Variants in GPHN observed in about 807,000 individuals in gnomAD.
GPHN encodes the protein gephyrin.
In GPHN, 17 loss-of-function variants were observed where a neutral mutation model predicts 95.5. That is an observed-to-expected ratio of 0.18 (90% CI 0.12 to 0.27). The LOEUF is 0.27. Ranked by LOEUF, GPHN falls within the 10% of genes least tolerant of loss-of-function variation. GPHN has a pLI of 1.00. For missense variants in GPHN, 660 were observed against 978.1 expected, an observed-to-expected ratio of 0.67 and a Z score of 4.34; for synonymous variants, 320 against 322.5, an observed-to-expected ratio of 0.99 and a Z score of 0.08.
chr14:67,434,824 G>A, the GPHN span, among the ~76,000 whole-genome samples: 1 of 152,158 alleles, frequency 6.6e-6, no homozygotes, highest in South Asian at 2.1e-4. Flanking sequence ...GAGTTGAGAA[G>A]TCCAAGGTCC....
chr14:67,569,146 G>C, the GPHN span: 1 of 1,611,382 alleles, frequency 6.2e-7, no homozygotes, highest in Non-Finnish European at 8.5e-7. Flanking sequence ...AGGAGAGCCG[G>C]ATCTATGCTG....
At chr14:67,071,789 AAT>A (rs1662192753) in intron 11 of GPHN, among the ~76,000 whole-genome samples, 1 of 152,068 alleles carries the variant, frequency 6.6e-6, no homozygotes, top group Non-Finnish European at 1.5e-5. Flanking sequence ...TCTTAAAAAA[AAT>A]AAAGTATATT....
At chr14:67,553,699 C>T in the GPHN span, among the ~76,000 whole-genome samples, 1 of 152,210 alleles carries the variant, frequency 6.6e-6, no homozygotes, top group Admixed American at 6.5e-5. Context: ...GGCAACCACC[C>T]CTATAAACAT....
At chr14:66,583,563 T>C (rs896186429) in intron 1 of GPHN, among the ~76,000 whole-genome samples, 2 of 152,182 alleles carry the variant, frequency 1.3e-5, no homozygotes, top group African/African-American at 4.8e-5. Context: ...AATTTTTGTA[T>C]AAGGTGTAAG....
At chr14:67,496,409 T>TTTTTTTG in the GPHN span, among the ~76,000 whole-genome samples, 1 of 133,084 alleles carries the variant, frequency 7.5e-6, no homozygotes, top group African/African-American at 2.7e-5. Flanking sequence ...TTTTTTTTTT[T>TTTTTTTG]TTTTTTTTTT....
intron 8 of GPHN, among the ~76,000 whole-genome samples, chr14:66,938,894 C>G (rs1567126518): frequency 6.6e-6 from 1 of 152,074 alleles, no homozygotes; most frequent in Non-Finnish European, 1.5e-5. Context: ...AAAACTCTTG[C>G]AAATATGGTC....
chr14:67,147,101 A>C (rs961296644), intron 18 of GPHN, among the ~76,000 whole-genome samples: 1 of 152,156 alleles, frequency 6.6e-6, no homozygotes, highest in Non-Finnish European at 1.5e-5. Flanking sequence ...ATTTTCTTTA[A>C]TATTTCATTT....
intron 5 of GPHN, among the ~76,000 whole-genome samples, chr14:66,904,106 G>A (rs894032876): frequency 5.9e-5 from 9 of 152,006 alleles, no homozygotes; most frequent in East Asian, 1.9e-4. Flanking sequence ...GGTTCCTTCC[G>A]GTGGGTTCGT....
intron 5 of GPHN, among the ~76,000 whole-genome samples, chr14:66,884,818 G>GTGTA (rs35459525): frequency 6.2e-5 from 9 of 144,948 alleles, no homozygotes; most frequent in Admixed American, 1.4e-4. Context: ...ATGTGTGTGT[G>GTGTA]TATATATATA....
intron 21 of GPHN, among the ~76,000 whole-genome samples, chr14:67,172,675 G>T (rs1043035467): frequency 1.3e-5 from 2 of 152,116 alleles, no homozygotes; most frequent in African/African-American, 4.8e-5. Flanking sequence ...CTTTCCTGAA[G>T]CTAGACTACC....
chr14:67,278,322 C>T, the GPHN span, among the ~76,000 whole-genome samples: 3 of 151,652 alleles, frequency 2.0e-5, no homozygotes, highest in South Asian at 6.2e-4. Context: ...AGGCGTGAGC[C>T]ACTGCACCCG....
chr14:67,147,801 A>G (rs1051795133), intron 18 of GPHN, among the ~76,000 whole-genome samples: 7 of 152,350 alleles, frequency 4.6e-5, no homozygotes, highest in East Asian at 1.9e-4. Flanking sequence ...AAATATTTCT[A>G]TTAATAACAG....
chr14:67,439,843 T>C, the GPHN span, among the ~76,000 whole-genome samples: 2 of 152,162 alleles, frequency 1.3e-5, no homozygotes, highest in Non-Finnish European at 2.9e-5. Flanking sequence ...TCTTTTTTCT[T>C]TTCTTTTGTT....
the GPHN span, among the ~76,000 whole-genome samples, chr14:67,330,536 GC>G: frequency 7.0e-6 from 1 of 143,340 alleles, no homozygotes. Context: ...TCTGCTCACT[GC>G]AACCTCTGCC....
At chr14:67,626,366 C>T in the GPHN span, among the ~76,000 whole-genome samples, 11 of 152,122 alleles carry the variant, frequency 7.2e-5, no homozygotes, top group Non-Finnish European at 1.5e-4. Flanking sequence ...TAAAAAGATT[C>T]GACCTGTCAT....
chr14:67,241,913 G>T, the GPHN span: 1 of 152,198 alleles, frequency 6.6e-6, no homozygotes, highest in Non-Finnish European at 1.5e-5. Context: ...CCGGGTCTGG[G>T]AAATCGGCGA....
At chr14:67,308,890 A>G in the GPHN span, among the ~76,000 whole-genome samples, 3 of 152,322 alleles carry the variant, frequency 2.0e-5, no homozygotes, top group Admixed American at 1.3e-4. Flanking sequence ...TTGAAAAACA[A>G]TATTTTGGAA....
At chr14:66,977,300 G>A (rs990458089) in intron 9 of GPHN, among the ~76,000 whole-genome samples, 1 of 151,990 alleles carries the variant, frequency 6.6e-6, no homozygotes, top group Non-Finnish European at 1.5e-5. Context: ...GCATGGTGGT[G>A]GGCGCCTGTA....
chr14:67,365,126 C>A, the GPHN span: 2 of 1,096,978 alleles, frequency 1.8e-6, no homozygotes, highest in Non-Finnish European at 2.5e-6. Context: ...TATACTTAAA[C>A]CTTTTACATA....
Sources: allele counts gnomAD v4.1 joint callset (sites outside exome capture counted in the v4.1 genomes callset), GRCh38; gene constraint gnomAD v4.1.1; transcripts MANE v1.5; gene names NCBI Gene and HGNC (gene_info 2026-07-23, HGNC 2026-07-21).